SGCZ: variants seen among roughly 807,000 people sequenced by gnomAD.
The protein encoded by SGCZ is sarcoglycan zeta.
In SGCZ, 40 loss-of-function variants were observed where a neutral mutation model predicts 41.3. That is an observed-to-expected ratio of 0.97 (90% CI 0.75 to 1.26). SGCZ has a LOEUF of 1.26. Among genes scored for constraint, SGCZ ranks in the 50% most tolerant of loss-of-function variants. The probability of loss-of-function intolerance (pLI) is 0.00; values close to 1 mark genes in which losing one functional copy is unlikely to be tolerated. For missense variants in SGCZ, 552 were observed against 369.8 expected (o/e 1.49, Z -4.04); for synonymous variants, 206 against 137.5 (o/e 1.50, Z -3.49).
intron 3 of SGCZ, among the ~76,000 whole-genome samples, chr8:14,262,952 A>C (rs558862282): frequency 1.7e-4 from 26 of 152,244 alleles, no homozygotes; most frequent in Middle Eastern, 3.4e-3. Flanking sequence ...ATCCCTTATT[A>C]CCTTGATTTA....
At chr8:14,525,384 G>T (rs545656240) in intron 2 of SGCZ, among the ~76,000 whole-genome samples, 1 of 152,134 alleles carries the variant, frequency 6.6e-6, no homozygotes, top group East Asian at 1.9e-4. Context: ...ATGATTCCAA[G>T]AATTTGGAAG....
At chr8:14,580,483 G>T (rs868434457) in intron 1 of SGCZ, among the ~76,000 whole-genome samples, 8 of 151,938 alleles carry the variant, frequency 5.3e-5, no homozygotes, top group Non-Finnish European at 1.2e-4. Context: ...ATTATCTGAA[G>T]AAAAATTCTA....
At chr8:14,862,203 T>G (rs911280443) in intron 1 of SGCZ, among the ~76,000 whole-genome samples, 1 of 152,002 alleles carries the variant, frequency 6.6e-6, no homozygotes, top group African/African-American at 2.4e-5. Context: ...TAGAAGGGCT[T>G]TCCTATTATT....
At chr8:15,052,760 G>C (rs1804559777) in intron 1 of SGCZ, among the ~76,000 whole-genome samples, 2 of 152,086 alleles carry the variant, frequency 1.3e-5, no homozygotes, top group African/African-American at 4.8e-5. Flanking sequence ...GGAATGTCAA[G>C]TGGTTAAAAA....
chr8:14,975,186 G>C (rs993772428), intron 1 of SGCZ, among the ~76,000 whole-genome samples: 1 of 152,058 alleles, frequency 6.6e-6, no homozygotes, highest in Non-Finnish European at 1.5e-5. Flanking sequence ...GCTGCCTGTA[G>C]CCCCAGCTAC....
chr8:14,365,723 C>A (rs1263363333), intron 2 of SGCZ, among the ~76,000 whole-genome samples: 1 of 152,070 alleles, frequency 6.6e-6, no homozygotes, highest in Non-Finnish European at 1.5e-5. Context: ...TATCTTAAGG[C>A]TTAACAGGGA....
At chr8:14,594,995 T>A (rs913153262) in intron 1 of SGCZ, among the ~76,000 whole-genome samples, 1 of 151,958 alleles carries the variant, frequency 6.6e-6, no homozygotes, top group South Asian at 2.1e-4. Context: ...CTTTGTTATA[T>A]ATTTTATATT....
intron 3 of SGCZ, among the ~76,000 whole-genome samples, chr8:14,247,513 T>C (rs1799144355): frequency 6.6e-6 from 1 of 152,206 alleles, no homozygotes; most frequent in African/African-American, 2.4e-5. Context: ...AAACAAATGC[T>C]TCTAGACTCA....
chr8:14,616,334 G>C (rs1447110537), intron 1 of SGCZ, among the ~76,000 whole-genome samples: 1 of 151,216 alleles, frequency 6.6e-6, no homozygotes, highest in Admixed American at 6.6e-5. Flanking sequence ...ATGATGCACA[G>C]ATGATCACCA....
intron 2 of SGCZ, among the ~76,000 whole-genome samples, chr8:14,345,069 A>G (rs542036234): frequency 6.6e-6 from 1 of 152,246 alleles, no homozygotes; most frequent in Non-Finnish European, 1.5e-5. Flanking sequence ...TTCTGTAGAG[A>G]ATTCCTATTA....
At chr8:15,111,882 G>A (rs111676036) in intron 1 of SGCZ, among the ~76,000 whole-genome samples, 1 of 147,806 alleles carries the variant, frequency 6.8e-6, no homozygotes, top group African/African-American at 2.5e-5. Flanking sequence ...CCTGGCAACA[G>A]AGCGAGACTC....
chr8:14,948,276 T>C (rs138947412), intron 1 of SGCZ, among the ~76,000 whole-genome samples: 6 of 152,262 alleles, frequency 3.9e-5, no homozygotes, highest in African/African-American at 1.2e-4. Context: ...TGAATTATAA[T>C]AAGATGATGA....
chr8:15,038,110 A>C (rs1164776390), intron 1 of SGCZ, among the ~76,000 whole-genome samples: 1 of 152,132 alleles, frequency 6.6e-6, no homozygotes, highest in Non-Finnish European at 1.5e-5. Flanking sequence ...AAAAAATCTA[A>C]AATTTATATG....
chr8:15,077,029 C>G (rs1805558403), intron 1 of SGCZ, among the ~76,000 whole-genome samples: 1 of 152,066 alleles, frequency 6.6e-6, no homozygotes, highest in Admixed American at 6.5e-5. Flanking sequence ...GTTACGACGC[C>G]AAAAGGAAAA....
At chr8:14,239,226 T>C (rs958952116) in intron 3 of SGCZ, among the ~76,000 whole-genome samples, 6 of 143,510 alleles carry the variant, frequency 4.2e-5, no homozygotes, top group African/African-American at 1.6e-4. Flanking sequence ...GATAATGACA[T>C]AAAGATGATG....
chr8:14,112,155 G>T (rs565293599), intron 5 of SGCZ, among the ~76,000 whole-genome samples: 43 of 151,996 alleles, frequency 2.8e-4, no homozygotes, highest in African/African-American at 9.7e-4. Context: ...TTGAGAAAAA[G>T]AAAGTCAGGC....
In SGCZ at chr8:14,497,567, T is replaced by C. The variant is rs938323242; in HGVS notation, c.234+57165A>G. Among the ~76,000 whole-genome samples, 3 of 151,960 alleles carry C rather than the reference T, an allele frequency of 2.0e-5. No homozygotes were observed. The South Asian group carries it at 6.2e-4, about 32-fold the overall frequency. ...TGAGCTTTGTGTGTGCGTATGTGTG[T>C]GTGTGTGTGTCTGTGTGTGTGTGTG... On this transcript the variant is annotated intron_variant, in intron 2 of 7. Transcript: ENST00000382080.
chr8:14,462,582 T>G (rs1249709472), intron 2 of SGCZ, among the ~76,000 whole-genome samples: 2 of 152,012 alleles, frequency 1.3e-5, no homozygotes, highest in African/African-American at 4.8e-5. Flanking sequence ...TTGGTCTATG[T>G]GCCTATTTTT....
intron 1 of SGCZ, among the ~76,000 whole-genome samples, chr8:14,750,888 T>C (rs1799477573): frequency 6.6e-6 from 1 of 152,216 alleles, no homozygotes; most frequent in Non-Finnish European, 1.5e-5. Context: ...CAGTCTCTTT[T>C]GTATGAATAA....
Sources: allele counts gnomAD v4.1 joint callset (sites outside exome capture counted in the v4.1 genomes callset), GRCh38; gene constraint gnomAD v4.1.1; transcripts MANE v1.5; gene names NCBI Gene and HGNC (gene_info 2026-07-23, HGNC 2026-07-21).